The following FRMPD2 variants were observed in gnomAD, a reference collection of about 807,000 sequenced individuals.
FRMPD2 encodes FERM and PDZ domain containing 2.
In FRMPD2, 96 loss-of-function variants were observed where a neutral mutation model predicts 140.1. The observed-to-expected ratio is 0.69, with a 90% CI of 0.58 to 0.81. FRMPD2 has a LOEUF of 0.81. Among genes scored for constraint, FRMPD2 ranks in the 40% least tolerant of loss-of-function variants. FRMPD2 has a pLI of 0.00. For missense variants in FRMPD2, 1,240 were observed against 1,447.4 expected, an observed-to-expected ratio of 0.86 and a Z score of 2.32; for synonymous variants, 449 against 547.6, an observed-to-expected ratio of 0.82 and a Z score of 2.52.
chr10:48,201,419 TCATC>T (rs1488113176), intron 14 of FRMPD2, 35 bp from the exon 15 acceptor site: 2 of 1,604,912 alleles, frequency 1.2e-6, no homozygotes, highest in African/African-American at 2.7e-5. Flanking sequence ...AATACACTGA[TCATC>T]CACAACCCTC....
intron 15 of FRMPD2, among the ~76,000 whole-genome samples, chr10:48,195,305 G>A (rs1838925616): frequency 1.3e-5 from 2 of 152,324 alleles, no homozygotes; most frequent in South Asian, 2.1e-4. Context: ...TTATGCATTT[G>A]TAAAAGCTCA....
At chr10:48,237,866 A>G in intron 8 of FRMPD2, 125 bp downstream of exon 8, 1 of 1,185,812 alleles carries the variant, frequency 8.4e-7, no homozygotes, top group Non-Finnish European at 1.2e-6. Context: ...GTCCAATCCT[A>G]TAAACCTCAG....
intron 1 of FRMPD2, among the ~76,000 whole-genome samples, chr10:48,253,963 C>T (rs1353933038): frequency 6.6e-6 from 1 of 151,930 alleles, no homozygotes; most frequent in Non-Finnish European, 1.5e-5. Context: ...CTTGAAGTTG[C>T]TGTTTTTGTT....
intron 1 of FRMPD2, among the ~76,000 whole-genome samples, chr10:48,265,678 C>A (rs1341234715): frequency 6.6e-6 from 1 of 152,106 alleles, no homozygotes; most frequent in Non-Finnish European, 1.5e-5. Flanking sequence ...TACCATCTCA[C>A]ACTGGTCAGA....
chr10:48,226,677 A>G (rs1187272119), intron 10 of FRMPD2, among the ~76,000 whole-genome samples: 1 of 152,250 alleles, frequency 6.6e-6, no homozygotes, highest in African/African-American at 2.4e-5. Context: ...TTAGACACAG[A>G]ATACCATACA....
At chr10:48,250,145 C>G (rs554838584) in intron 2 of FRMPD2, among the ~76,000 whole-genome samples, 1 of 152,316 alleles carries the variant, frequency 6.6e-6, no homozygotes, top group Admixed American at 6.5e-5. Context: ...CCGAGCCCAC[C>G]TACACCCTAA....
intron 12 of FRMPD2, among the ~76,000 whole-genome samples, chr10:48,212,366 G>C (rs375410344): frequency 3.3e-5 from 5 of 152,060 alleles, no homozygotes; most frequent in Non-Finnish European, 5.9e-5. Flanking sequence ...AACACATAAG[G>C]CTTTTCTGAT....
chr10:48,244,565 T>C (rs1055713754), intron 4 of FRMPD2, among the ~76,000 whole-genome samples: 13 of 152,226 alleles, frequency 8.5e-5, no homozygotes, highest in African/African-American at 1.7e-4. Flanking sequence ...CAGTCCCAAA[T>C]TGTGGCTGCC....
rs1838237723 is a variant in FRMPD2, at chr10:48,171,132, GCTCT to G, written c.3296_3299del (p.Glu1099AlafsTer10). On this transcript the variant is annotated frameshift_variant, in exon 26 of 29. Transcript: ENST00000374201. LOFTEE classifies it high-confidence loss of function. ...CAAGATCACTTTTGAGATGGCTGCA[GCTCT>G]CTTTCTCCATCTGCACGAAACTGAA... 1 of 795,632 alleles carries G rather than the reference GCTCT, an allele frequency of 1.3e-6. No homozygotes were observed. The highest frequency in any genetic ancestry group is 2.3e-6 in the Non-Finnish European group (1 of 442,240). 49.3% of individuals were successfully genotyped at this position (795,632 alleles called of 1,614,324 possible).
intron 16 of FRMPD2, among the ~76,000 whole-genome samples, 158 bp downstream of exon 16, chr10:48,192,526 G>T (rs1838852563): frequency 6.6e-6 from 1 of 152,130 alleles, no homozygotes; most frequent in Non-Finnish European, 1.5e-5. Context: ...GGCTGAGGTT[G>T]CGGTGAGCCA....
At chr10:48,161,791 A>G (rs1236291557) in intron 28 of FRMPD2, among the ~76,000 whole-genome samples, 1 of 151,584 alleles carries the variant, frequency 6.6e-6, no homozygotes, top group Admixed American at 6.6e-5. Flanking sequence ...GATCATTTTT[A>G]TATTGAACAG....
At chr10:48,259,356 A>G (rs1181595202) in intron 1 of FRMPD2, among the ~76,000 whole-genome samples, 1 of 152,216 alleles carries the variant, frequency 6.6e-6, no homozygotes, top group East Asian at 1.9e-4. Context: ...ACAGCTAGTA[A>G]ATTTAAATTT....
chr10:48,262,377 G>T (rs1190479832), intron 1 of FRMPD2, among the ~76,000 whole-genome samples: 1 of 152,186 alleles, frequency 6.6e-6, no homozygotes, highest in Non-Finnish European at 1.5e-5. Flanking sequence ...CTTCAGAATA[G>T]AGAAAATTAT....
At chr10:48,233,270 G>T (rs1348480949) in intron 9 of FRMPD2, among the ~76,000 whole-genome samples, 2 of 152,184 alleles carry the variant, frequency 1.3e-5, no homozygotes. Flanking sequence ...GTGGGAGGGG[G>T]TTTCACACAT....
At chr10:48,188,546 T>C (rs1465811498) in intron 16 of FRMPD2, among the ~76,000 whole-genome samples, 1 of 152,208 alleles carries the variant, frequency 6.6e-6, no homozygotes, top group East Asian at 1.9e-4. Flanking sequence ...GCATGGGCCC[T>C]GTCCTCTGAG....
intron 16 of FRMPD2, among the ~76,000 whole-genome samples, chr10:48,189,152 G>C (rs1187691957): frequency 1.3e-5 from 2 of 152,190 alleles, no homozygotes; most frequent in Non-Finnish European, 2.9e-5. Context: ...TTTACTGAAA[G>C]CTTTCCCTGC....
intron 1 of FRMPD2, among the ~76,000 whole-genome samples, chr10:48,252,022 T>A (rs551768289): frequency 7.6e-4 from 116 of 152,350 alleles, no homozygotes; most frequent in African/African-American, 2.7e-3. Context: ...GGGTGCGAGC[T>A]GTTGCAGAGA....
At chr10:48,263,983 G>A (rs1840638949) in intron 1 of FRMPD2, among the ~76,000 whole-genome samples, 3 of 152,080 alleles carry the variant, frequency 2.0e-5, no homozygotes, top group Admixed American at 2.0e-4. Flanking sequence ...TGCAAGGCTG[G>A]TGTGAAAATT....
In FRMPD2 at chr10:48,240,512, C is replaced by G. The variant is rs1564436467; in HGVS notation, c.568-20G>C. 1 of 1,613,062 alleles carries G rather than the reference C, an allele frequency of 6.2e-7. No homozygotes were observed. The highest frequency in any genetic ancestry group is 2.2e-5 in the East Asian group (1 of 44,878). On this transcript the variant is annotated intron_variant, in intron 5 of 28. Coordinates refer to ENST00000374201, the MANE Select transcript of FRMPD2 (RefSeq NM_001018071.4). ...CTCCACCTGGGGGTCAAGTGCATCACACATCCACATCCCAAGATAAGGAGG... is the reference window on the plus strand; with the variant it reads ...CTCCACCTGGGGGTCAAGTGCATCAGACATCCACATCCCAAGATAAGGAGG...
Sources: gnomAD v4.1 joint callset for allele counts (sites outside exome capture counted in the v4.1 genomes callset) on GRCh38, gnomAD v4.1.1 for gene constraint, MANE v1.5 for transcripts, NCBI Gene and HGNC (gene_info 2026-07-23, HGNC 2026-07-21) for gene names.